DISC1: variants seen among roughly 807,000 people sequenced by gnomAD.
DISC1 encodes disrupted in schizophrenia 1 protein.
Under a neutral mutation model 84.5 loss-of-function variants are expected in DISC1, and 57 were observed. That is an observed-to-expected ratio of 0.67 (90% CI 0.55 to 0.84). The LOEUF (loss-of-function observed/expected upper bound fraction) is 0.84, where lower values mean the gene tolerates loss of function less well. DISC1 is among the 40% of genes least tolerant of loss of function. The probability of loss-of-function intolerance (pLI) is 0.00; values close to 1 mark genes in which losing one functional copy is unlikely to be tolerated. For synonymous variants in DISC1, 411 were observed against 415.2 expected (o/e 0.99, Z 0.12); for missense variants, 1,000 against 1,057.8 (o/e 0.95, Z 0.76).
chr1:231,752,408 G>A lies in DISC1; in HGVS notation c.1268+2332G>A, dbSNP rs115701015. Among the ~76,000 whole-genome samples the A allele has an allele frequency of 9.0e-3, 1,363 of 152,014 alleles. 12 individuals are homozygous for A. The highest frequency in any genetic ancestry group is 0.031 in the African/African-American group (1,282 of 41,452). On this transcript the variant is annotated intron_variant, in intron 4 of 12. Coordinates refer to ENST00000439617, the MANE Select transcript of DISC1 (RefSeq NM_018662.3). ...CAAGAGAGAGAGAGAAAAGAGGGAGGTGCCACACACTTTTAAACAACGAGA... is the reference window on the plus strand; with the variant it reads ...CAAGAGAGAGAGAGAAAAGAGGGAGATGCCACACACTTTTAAACAACGAGA...
At chr1:231,633,958 A>G (rs936631016) in intron 1 of DISC1, among the ~76,000 whole-genome samples, 1 of 145,230 alleles carries the variant, frequency 6.9e-6, no homozygotes, top group Non-Finnish European at 1.5e-5. Context: ...GTCTTGGCTC[A>G]CTGCAACCTC....
chr1:231,697,006 G>T (rs1244030075), intron 2 of DISC1, among the ~76,000 whole-genome samples: 1 of 152,166 alleles, frequency 6.6e-6, no homozygotes, highest in Non-Finnish European at 1.5e-5. Flanking sequence ...CAGGGCATAG[G>T]ACTTACAGGA....
At chr1:231,777,509 T>C (rs547626813) in intron 6 of DISC1, among the ~76,000 whole-genome samples, 1 of 152,248 alleles carries the variant, frequency 6.6e-6, no homozygotes, top group Non-Finnish European at 1.5e-5. Context: ...GGTTTTCTTT[T>C]CCCCCTACTC....
intron 3 of DISC1, chr1:231,722,615 A>G (rs776471868): frequency 1.2e-6 from 2 of 1,614,158 alleles, no homozygotes; most frequent in East Asian, 2.2e-5. Context: ...AACTTCCCAA[A>G]TTTAAACAAA....
chr1:231,870,085 G>A (rs2085349029), intron 9 of DISC1, among the ~76,000 whole-genome samples: 1 of 152,126 alleles, frequency 6.6e-6, no homozygotes, highest in African/African-American at 2.4e-5. Context: ...AGTTCTTAGG[G>A]TGGGGCAGGA....
At chr1:231,868,832 C>T (rs1297763879) in intron 9 of DISC1, among the ~76,000 whole-genome samples, 2 of 149,168 alleles carry the variant, frequency 1.3e-5, no homozygotes, top group Non-Finnish European at 3.0e-5. Context: ...CTTCAGTGTG[C>T]TGTCATTGTG....
rs1393723477 is a variant in DISC1 at position 231,722,510 on chromosome 1, C to T, written c.1117+20486C>T. ...AGGATGTTATTCTGTGTCCATTCCA[C>T]TCAGAGGTATTCATTTTCTTCTTGG... is the stretch of plus-strand genomic sequence containing the variant. On this transcript the variant is annotated intron_variant, in intron 3 of 12. Transcript: ENST00000439617. The T allele has an allele frequency of 2.5e-6, 4 of 1,614,094 alleles. 1 individual carries two copies. Among genetic ancestry groups the T allele is most frequent in the Non-Finnish European group, 3.4e-6 (4 of 1,179,984 alleles).
chr1:231,770,710 T>G, intron 5 of DISC1, 125 bp from the exon 6 acceptor site: 1 of 1,501,968 alleles, frequency 6.7e-7, no homozygotes, highest in Non-Finnish European at 9.0e-7. Flanking sequence ...TCTGCCTGCC[T>G]CAGAAGGGGA....
At chr1:231,981,285 A>G (rs1663566791) in intron 10 of DISC1, among the ~76,000 whole-genome samples, 1 of 152,216 alleles carries the variant, frequency 6.6e-6, no homozygotes. Flanking sequence ...AAAAAGTTTC[A>G]TTGCTGTTTC....
At chr1:231,743,170 A>AT (rs912583191) in intron 3 of DISC1, among the ~76,000 whole-genome samples, 5 of 151,966 alleles carry the variant, frequency 3.3e-5, no homozygotes, top group African/African-American at 1.2e-4. Flanking sequence ...TGGGTTTTTA[A>AT]TTTTTTTTGG....
intron 9 of DISC1, among the ~76,000 whole-genome samples, chr1:231,958,122 A>C (rs1354895578): frequency 2.0e-5 from 3 of 152,194 alleles, no homozygotes; most frequent in Non-Finnish European, 4.4e-5. Flanking sequence ...CACGTCTGTT[A>C]GTTATTATCT....
At chr1:231,756,516 CGAGAGAGAGAGAGAGAGAGAGAGAGA>C (rs60818301) in intron 4 of DISC1, among the ~76,000 whole-genome samples, 32 of 133,442 alleles carry the variant, frequency 2.4e-4, no homozygotes, top group African/African-American at 6.5e-4. Flanking sequence ...ATGTGAATAT[CGAGAGAGAGAGAGAGAGAGAGAGAGA>C]GAGAGAGAGA....
At chr1:231,949,862 T>C (rs1658001098) in intron 9 of DISC1, among the ~76,000 whole-genome samples, 1 of 152,228 alleles carries the variant, frequency 6.6e-6, no homozygotes, top group African/African-American at 2.4e-5. Flanking sequence ...TCATCACAAC[T>C]GGGCAACAAT....
At chr1:231,967,928 G>A (rs1661336730) in intron 10 of DISC1, among the ~76,000 whole-genome samples, 1 of 152,072 alleles carries the variant, frequency 6.6e-6, no homozygotes, top group African/African-American at 2.4e-5. Context: ...ACAAAGGTAG[G>A]AAAAACATTA....
rs1558773956 is a variant in DISC1 at position 231,952,694 on chromosome 1, TA to T, written c.1982-6133del. 5.5e-5 allele frequency among the ~76,000 whole-genome samples: 5 copies of T among 91,652 alleles called. No homozygotes were observed. The East Asian group carries it at 5.8e-3, about 107-fold the overall frequency. 60.1% of individuals were successfully genotyped at this position (91,652 alleles called of 152,430 possible). ...ATTGTCTCTCATATATATATGTTTA[TA>T]TATATATATATATATATATGTATAT... On this transcript the variant is annotated intron_variant, in intron 9 of 12. Transcript: ENST00000439617.
intron 3 of DISC1, among the ~76,000 whole-genome samples, chr1:231,714,586 GGA>G (rs752910714): frequency 6.6e-6 from 1 of 150,848 alleles, no homozygotes; most frequent in Non-Finnish European, 1.5e-5. Flanking sequence ...TGGAGATGGG[GGA>G]GAGAGACAGA....
chr1:231,931,594 C>T (rs1479975827), intron 9 of DISC1, among the ~76,000 whole-genome samples: 1 of 151,662 alleles, frequency 6.6e-6, no homozygotes. Context: ...CATGATGACC[C>T]TATCATCCTT....
intron 9 of DISC1, among the ~76,000 whole-genome samples, chr1:231,847,447 G>T (rs1404037176): frequency 1.3e-5 from 2 of 152,130 alleles, no homozygotes; most frequent in South Asian, 2.1e-4. Flanking sequence ...CATTTTATAA[G>T]AAGAGAATTT....
intron 3 of DISC1, among the ~76,000 whole-genome samples, chr1:231,726,454 G>A (rs542756749): frequency 6.6e-6 from 1 of 152,304 alleles, no homozygotes; most frequent in East Asian, 1.9e-4. Context: ...CAAGGAGGGA[G>A]AGAGGAAGCA....
Sources: allele counts gnomAD v4.1 joint callset (sites outside exome capture counted in the v4.1 genomes callset), GRCh38; gene constraint gnomAD v4.1.1; transcripts MANE v1.5; gene names NCBI Gene and HGNC (gene_info 2026-07-23, HGNC 2026-07-21).